FAM117B: variants seen among roughly 807,000 people sequenced by gnomAD.
The protein encoded by FAM117B is family with sequence similarity 117 member B.
Under a neutral mutation model 52.8 loss-of-function variants are expected in FAM117B, and 22 were observed. The ratio of observed to expected loss-of-function variants is 0.42; its 90% CI spans 0.30 to 0.59. FAM117B has a LOEUF of 0.59. Ranked by LOEUF, FAM117B falls within the 20% of genes least tolerant of loss-of-function variation. The pLI is 0.22. For missense variants in FAM117B, 678 were observed against 802.6 expected (o/e 0.84, Z 1.88); for synonymous variants, 309 against 324.1 (o/e 0.95, Z 0.50).
chr2:202,702,623 A>T (rs371285928), intron 2 of FAM117B, among the ~76,000 whole-genome samples: 1 of 151,906 alleles, frequency 6.6e-6, no homozygotes, highest in African/African-American at 2.4e-5. Flanking sequence ...GCACAGTCTC[A>T]GCTCAATGCA....
chr2:202,646,825 A>G (rs76921896), intron 1 of FAM117B, among the ~76,000 whole-genome samples: 1,553 of 152,082 alleles, frequency 0.01, 24 homozygotes, highest in African/African-American at 0.035. Context: ...AAATTCCTGT[A>G]TGATTTTTTT....
At chr2:202,732,183 G>A (rs1298451576) in intron 4 of FAM117B, among the ~76,000 whole-genome samples, 5 of 152,042 alleles carry the variant, frequency 3.3e-5, no homozygotes, top group East Asian at 3.9e-4. Context: ...GAGCCACCGC[G>A]CCTGGCTGGA....
intron 1 of FAM117B, among the ~76,000 whole-genome samples, chr2:202,669,261 A>G (rs1441567374): frequency 6.6e-6 from 1 of 152,174 alleles, no homozygotes; most frequent in African/African-American, 2.4e-5. Flanking sequence ...AAGTATTTCA[A>G]AATTAAAACA....
rs1553526374 is a variant in FAM117B at position 202,766,102 on chromosome 2, A to ACCCCCC, written c.*339_*340insCCCCCC. ...CACACACACACACACACACACACAC[A>ACCCCCC]CACACCCCTGATCCTTGCCAACATG... On this transcript the variant is annotated 3_prime_UTR_variant, in exon 8 of 8. Transcript: ENST00000392238. 5.9e-4 allele frequency: 113 copies of ACCCCCC among 191,954 alleles called. 1 individual carries two copies. In the Middle Eastern group the frequency reaches 6.7e-3, roughly 11 times the overall value. The allele number at this position is 191,954 out of a possible 1,614,324, so 11.9% of individuals were successfully genotyped here.
intron 7 of FAM117B, among the ~76,000 whole-genome samples, chr2:202,761,066 C>T (rs1361376984): frequency 6.6e-6 from 1 of 152,150 alleles, no homozygotes; most frequent in Non-Finnish European, 1.5e-5. Context: ...GCCACCACAC[C>T]CAGCTAGTTT....
At chr2:202,703,302 C>G (rs1010386047) in intron 2 of FAM117B, among the ~76,000 whole-genome samples, 24 of 152,184 alleles carry the variant, frequency 1.6e-4, no homozygotes, top group African/African-American at 5.8e-4. Flanking sequence ...ACTCATTTCA[C>G]TTAGCATAAT....
chr2:202,702,384 C>CT (rs1690807579), intron 2 of FAM117B, among the ~76,000 whole-genome samples: 1 of 151,954 alleles, frequency 6.6e-6, no homozygotes, highest in South Asian at 2.1e-4. Context: ...GAGTGAGACT[C>CT]TGTCTCAGAA....
chr2:202,666,407 C>A (rs970058675), intron 1 of FAM117B, among the ~76,000 whole-genome samples: 9 of 151,780 alleles, frequency 5.9e-5, no homozygotes, highest in Non-Finnish European at 1.3e-4. Flanking sequence ...CACAAACGCA[C>A]ACACATATGT....
intron 1 of FAM117B, among the ~76,000 whole-genome samples, chr2:202,649,767 G>A (rs1033751263): frequency 6.6e-6 from 1 of 152,086 alleles, no homozygotes; most frequent in Non-Finnish European, 1.5e-5. Flanking sequence ...GGCCAGGCTG[G>A]TCTCGAACTC....
intron 1 of FAM117B, among the ~76,000 whole-genome samples, chr2:202,660,089 T>A (rs1191902875): frequency 6.6e-6 from 1 of 152,162 alleles, no homozygotes; most frequent in Non-Finnish European, 1.5e-5. Flanking sequence ...CATTTAGTTC[T>A]TTTTTATAGT....
chr2:202,650,987 A>G (rs1176837841), intron 1 of FAM117B, among the ~76,000 whole-genome samples: 3 of 151,850 alleles, frequency 2.0e-5, no homozygotes, highest in East Asian at 1.9e-4. Flanking sequence ...CCTTCAATAC[A>G]GTCAAGTTGA....
chr2:202,718,357 AATTTT>A (rs565179843), intron 2 of FAM117B, among the ~76,000 whole-genome samples: 254 of 152,164 alleles, frequency 1.7e-3, no homozygotes, highest in Admixed American at 4.8e-3. Flanking sequence ...CTCCTTTATG[AATTTT>A]ATTTTATTAT....
chr2:202,734,221 A>G lies in FAM117B; in HGVS notation c.960+7858A>G, dbSNP rs76625353. 8.2e-3 allele frequency among the ~76,000 whole-genome samples: 1,254 copies of G among 152,222 alleles called. 9 individuals are homozygous for G. Among genetic ancestry groups the G allele is most frequent in the Non-Finnish European group, 0.013 (855 of 68,018 alleles). ...TGATGGTCACACAACTCTGTTCAAT[A>G]CCATTAAAAAACCAAAGTTAGCTGG... On this transcript the variant is annotated intron_variant, in intron 4 of 7. Transcript: ENST00000392238.
intron 4 of FAM117B, among the ~76,000 whole-genome samples, chr2:202,734,329 C>T (rs1052716616): frequency 6.6e-5 from 10 of 152,048 alleles, no homozygotes; most frequent in Non-Finnish European, 1.0e-4. Context: ...CAAGACCAGC[C>T]TGGGCAACAT....
chr2:202,666,566 C>T (rs538637815), intron 1 of FAM117B, among the ~76,000 whole-genome samples: 1 of 151,706 alleles, frequency 6.6e-6, no homozygotes, highest in South Asian at 2.1e-4. Flanking sequence ...TGGGTTTTCA[C>T]TGGTGGGTGG....
chr2:202,670,572 C>G (rs1690283451), intron 1 of FAM117B, among the ~76,000 whole-genome samples: 1 of 152,056 alleles, frequency 6.6e-6, no homozygotes, highest in Admixed American at 6.6e-5. Flanking sequence ...AGCCACCGCC[C>G]CCTGGCCAAG....
intron 6 of FAM117B, among the ~76,000 whole-genome samples, 168 bp downstream of exon 6, chr2:202,757,606 A>G (rs1691824274): frequency 6.6e-6 from 1 of 152,232 alleles, no homozygotes; most frequent in African/African-American, 2.4e-5. Flanking sequence ...TGTCATGCTC[A>G]GTTGATGGTC....
At chr2:202,730,652 T>TA (rs1431759818) in intron 4 of FAM117B, among the ~76,000 whole-genome samples, 1 of 152,038 alleles carries the variant, frequency 6.6e-6, no homozygotes, top group East Asian at 1.9e-4. Context: ...TTGGGGGAGA[T>TA]AGAGTTCTCT....
chr2:202,741,550 T>A (rs558819819), intron 4 of FAM117B, among the ~76,000 whole-genome samples: 1 of 145,478 alleles, frequency 6.9e-6, no homozygotes, highest in South Asian at 2.1e-4. Context: ...AAATTTTTTT[T>A]TTTTGAGACG....
Sources: allele counts gnomAD v4.1 joint callset (sites outside exome capture counted in the v4.1 genomes callset), GRCh38; gene constraint gnomAD v4.1.1; transcripts MANE v1.5; gene names NCBI Gene and HGNC (gene_info 2026-07-23, HGNC 2026-07-21).